CST7: variants seen among roughly 807,000 people sequenced by gnomAD.
CST7 encodes the protein cystatin-F.
In CST7, 15 loss-of-function variants were observed where a neutral mutation model predicts 13.1. That is an observed-to-expected ratio of 1.14 (90% CI 0.77 to 1.76). The LOEUF (loss-of-function observed/expected upper bound fraction) is 1.76. CST7 is among the 40% of genes most tolerant of loss of function. The pLI is 0.00. For synonymous variants in CST7, 75 were observed against 66.9 expected, an observed-to-expected ratio of 1.12 and a Z score of -0.59; for missense variants, 193 against 178.8, an observed-to-expected ratio of 1.08 and a Z score of -0.45.
chr20:24,959,063 C>A lies in CST7; in HGVS notation c.360+19C>A. 6.4e-7 allele frequency: 1 copy of A among 1,563,924 alleles called. No homozygotes were observed. The highest frequency in any genetic ancestry group is 8.8e-7 in the Non-Finnish European group (1 of 1,134,404). On this transcript the variant is annotated intron_variant, in intron 3 of 3. Transcript: ENST00000480798. ...GAAGCAGGTAAAGCAGCAGGCCCTT[C>A]TCTCAGATGTGCCCTCTCTTCCCCA... is the stretch of plus-strand genomic sequence containing the variant.
chr20:24,959,562 A>C, intron 3 of CST7, 73 bp from the exon 4 acceptor site: 1 of 1,416,414 alleles, frequency 7.1e-7, no homozygotes, highest in Non-Finnish European at 1.0e-6. Flanking sequence ...CTCCATGAGG[A>C]CCACCCCTCC....
chr20:24,957,563 G>A (rs1877242707), intron 2 of CST7, 104 bp downstream of exon 2: 1 of 1,131,936 alleles, frequency 8.8e-7, no homozygotes, highest in South Asian at 1.5e-5. Context: ...TGAAGTCCCT[G>A]CTGAGTGCAG....
chr20:24,955,599 G>A (rs928889825), intron 1 of CST7, among the ~76,000 whole-genome samples: 53 of 152,164 alleles, frequency 3.5e-4, no homozygotes, highest in African/African-American at 1.1e-3. Flanking sequence ...ACAGGTGCCC[G>A]CCACCATGTC....
rs2087883668 is a variant in CST7 at position 24,959,671 on chromosome 20, T to C, written c.397T>C (p.Trp133Arg). The change falls in exon 4 of 4, where the codon TGG becomes CGG. Residue 133 changes from tryptophan (W) to arginine (R), a missense_variant. Physicochemically the swap from Trp to Arg is moderately radical, Grantham distance 101. Coordinates refer to ENST00000480798, the MANE Select transcript of CST7 (RefSeq NM_003650.4). The stretch of plus-strand genomic sequence containing the variant: ...CTACTCTGAAGTCTGGGTCGTGCCC[T>C]GGCTCCAGCACTTCGAGGTGCCTGT... ...SCYSEVWVVPWLQHFEVPVLR... is the reference protein window; with the variant it reads ...SCYSEVWVVPRLQHFEVPVLR... 1.2e-6 allele frequency: 2 copies of C among 1,614,040 alleles called. No homozygotes were observed. Among genetic ancestry groups the C allele is most frequent in the Non-Finnish European group, 1.7e-6 (2 of 1,180,032 alleles).
rs1180954831 is a variant in CST7 at position 24,951,452 on chromosome 20, C to T, written c.70+1877C>T. ...GCGCTGTGATCATTTCTGGTGCTTC[C>T]AGCAAGGGCCTTCAGTCTTCGGCTG... On this transcript the variant is annotated intron_variant, in intron 1 of 3. Transcript: ENST00000480798. Among the ~76,000 whole-genome samples, 3 of 152,322 alleles carry T rather than the reference C, an allele frequency of 2.0e-5. No individual in the cohort carries two copies. In the East Asian group the frequency reaches 5.8e-4, roughly 29 times the overall value.
rs567378520 is a variant in CST7 at position 24,954,530 on chromosome 20, T to C, written c.71-2757T>C. ...TTAATGATCAACATTTCCTTGTTAA[T>C]TTCTCTAAACAAATCATCCTAAAAA... On this transcript the variant is annotated intron_variant, in intron 1 of 3. Coordinates refer to ENST00000480798, the MANE Select transcript of CST7 (RefSeq NM_003650.4). Among the ~76,000 whole-genome samples, 387 of 152,376 alleles carry C rather than the reference T, an allele frequency of 2.5e-3. 4 individuals carry two copies. The highest frequency in any genetic ancestry group is 6.8e-3 in the Middle Eastern group (2 of 294).
intron 1 of CST7, among the ~76,000 whole-genome samples, chr20:24,950,845 G>A (rs1568803987): frequency 6.6e-6 from 1 of 152,226 alleles, no homozygotes; most frequent in Non-Finnish European, 1.5e-5. Flanking sequence ...CAAGGTCCAA[G>A]GGGGAAGCAG....
At chr20:24,959,441 C>A (rs774690204) in intron 3 of CST7, among the ~76,000 whole-genome samples, 194 bp from the exon 4 acceptor site, 6 of 152,142 alleles carry the variant, frequency 3.9e-5, no homozygotes, top group Non-Finnish European at 5.9e-5. Context: ...GGGAACACAG[C>A]AACATTTAGC....
rs2087846916 is a variant in CST7, at chr20:24,955,346, TG to T, written c.71-1937del. Among the ~76,000 whole-genome samples the T allele has an allele frequency of 2.0e-5, 3 of 151,902 alleles. No homozygotes were observed. The South Asian group carries it at 6.2e-4, about 32-fold the overall frequency. On this transcript the variant is annotated intron_variant, in intron 1 of 3. Coordinates refer to ENST00000480798, the MANE Select transcript of CST7 (RefSeq NM_003650.4). The stretch of plus-strand genomic sequence containing the variant: ...CCAGTGTCAGAGTCACCTGAGAGCC[TG>T]GGGAAATGCAGGTTCCAGGACCTCC...
intron 1 of CST7, among the ~76,000 whole-genome samples, chr20:24,951,348 G>A (rs548456919): frequency 2.6e-5 from 4 of 152,312 alleles, no homozygotes; most frequent in South Asian, 2.1e-4. Context: ...GGTGCTCTCC[G>A]CCAGCCTCAG....
At chr20:24,958,439 G>A (rs2087873070) in intron 2 of CST7, among the ~76,000 whole-genome samples, 1 of 152,162 alleles carries the variant, frequency 6.6e-6, no homozygotes, top group African/African-American at 2.4e-5. Context: ...TAAAACCTGA[G>A]GAATTTTTCT....
At chr20:24,956,077 G>A (rs1045162353) in intron 1 of CST7, among the ~76,000 whole-genome samples, 7 of 152,142 alleles carry the variant, frequency 4.6e-5, no homozygotes, top group African/African-American at 7.2e-5. Flanking sequence ...GGGATGGGGC[G>A]ACAATCCCAA....
chr20:24,958,938 G>C lies in CST7; in HGVS notation c.254G>C (p.Gly85Ala). 6.2e-7 allele frequency: 1 copy of C among 1,613,452 alleles called. No individual in the cohort carries two copies. The highest frequency in any genetic ancestry group is 8.5e-7 in the Non-Finnish European group (1 of 1,179,432). Residue 85 changes from glycine (G) to alanine (A), a missense_variant, in exon 3 of 4, where the codon GGC becomes GCC. Transcript: ENST00000480798. ...ITRALVQIVK[G>A]LKYMLEVEIG... ...CTTTGCTCCCTCCAGATAGTGAAAG[G>C]CCTGAAATATATGCTGGAGGTGGAA...
rs749729053 is a variant in CST7, at chr20:24,957,468, C to T, written c.243+9C>T. ...CAAGGGCCCTAGTTCAGGTAACGGT[C>T]TGGGTTCTGGTCACATATCACGGAC... On this transcript the variant is annotated intron_variant, in intron 2 of 3. Coordinates refer to ENST00000480798, the MANE Select transcript of CST7 (RefSeq NM_003650.4). The T allele has an allele frequency of 1.9e-6, 3 of 1,612,502 alleles. No homozygotes were observed. Among genetic ancestry groups the T allele is most frequent in the Admixed American group, 1.7e-5 (1 of 59,852 alleles).
At chr20:24,952,068 G>C (rs76192546) in intron 1 of CST7, among the ~76,000 whole-genome samples, 1 of 152,362 alleles carries the variant, frequency 6.6e-6, no homozygotes, top group South Asian at 2.1e-4. Context: ...GCCGCAGGCT[G>C]AGCCACCGTC....
chr20:24,957,681 G>A (rs1396842229), intron 2 of CST7, among the ~76,000 whole-genome samples: 1 of 152,146 alleles, frequency 6.6e-6, no homozygotes, highest in Non-Finnish European at 1.5e-5. Context: ...CACGGCTCCT[G>A]GGTGGTTACC....
In CST7 at chr20:24,949,540, G is replaced by T; in HGVS notation, c.35G>T (p.Cys12Phe). The change falls in exon 1 of 4, where the codon TGC becomes TTC. Residue 12 changes from cysteine to phenylalanine, a missense_variant. Physicochemically the swap from Cys to Phe is radical, Grantham distance 205. Transcript: ENST00000480798. Reference sequence around the variant, plus strand: ...GCTGGAACTCTGCTGGCCTTCTGCTGCCTGGTCTTGAGCACCACTGGGGGC... The same window carrying T: ...GCTGGAACTCTGCTGGCCTTCTGCTTCCTGGTCTTGAGCACCACTGGGGGC... ...RAAGTLLAFC[C>F]LVLSTTGGPS... is the part of the protein sequence containing the mutation. 1 of 1,614,162 alleles carries T rather than the reference G, an allele frequency of 6.2e-7. No individual in the cohort carries two copies. Among genetic ancestry groups the T allele is most frequent in the Non-Finnish European group, 8.5e-7 (1 of 1,180,054 alleles).
intron 2 of CST7, among the ~76,000 whole-genome samples, chr20:24,958,123 T>C (rs2087871407): frequency 6.6e-6 from 1 of 152,226 alleles, no homozygotes; most frequent in Non-Finnish European, 1.5e-5. Context: ...ACAGTGTTCA[T>C]GGTTATGCTG....
intron 2 of CST7, among the ~76,000 whole-genome samples, chr20:24,958,537 G>A (rs1429334265): frequency 2.6e-5 from 4 of 152,158 alleles, no homozygotes; most frequent in South Asian, 2.1e-4. Context: ...CAAAACTCCC[G>A]ACCCCAGGAA....
Sources: allele counts gnomAD v4.1 joint callset (sites outside exome capture counted in the v4.1 genomes callset), GRCh38; gene constraint gnomAD v4.1.1; transcripts MANE v1.5; gene names NCBI Gene and HGNC (gene_info 2026-07-23, HGNC 2026-07-21).